Variants in TTPA observed in about 807,000 individuals in gnomAD.
TTPA encodes alpha tocopherol transfer protein.
In TTPA, 23 loss-of-function variants were observed where a neutral mutation model predicts 25.9. That is an observed-to-expected ratio of 0.89 (90% CI 0.64 to 1.26). The LOEUF (loss-of-function observed/expected upper bound fraction) is 1.26, where lower values mean the gene tolerates loss of function less well. TTPA is among the 50% of genes most tolerant of loss of function. TTPA has a pLI of 0.00. For synonymous variants in TTPA, 148 were observed against 137.3 expected, an observed-to-expected ratio of 1.08 and a Z score of -0.54; for missense variants, 337 against 353.1, an observed-to-expected ratio of 0.95 and a Z score of 0.37.
chr8:63,082,998 A>C (rs1009585132), intron 1 of TTPA, among the ~76,000 whole-genome samples: 2 of 152,226 alleles, frequency 1.3e-5, no homozygotes, highest in African/African-American at 4.8e-5. Context: ...CAGGTGCTGG[A>C]GAAGATGTGG....
At chr8:63,066,319 GA>G (rs758414993) in intron 2 of TTPA, among the ~76,000 whole-genome samples, 3 of 152,174 alleles carry the variant, frequency 2.0e-5, no homozygotes, top group Non-Finnish European at 4.4e-5. Context: ...GAGTATTGCG[GA>G]AAAAGGAATG....
intron 1 of TTPA, among the ~76,000 whole-genome samples, chr8:63,080,350 A>G (rs1805640186): frequency 6.6e-6 from 1 of 152,238 alleles, no homozygotes; most frequent in Admixed American, 6.5e-5. Flanking sequence ...TAGAGATACA[A>G]AAAACCCTTT....
At position 63,085,916 on chromosome 8, in the gene TTPA, G is replaced by A; in HGVS notation, c.106C>T (p.Arg36Trp). ...GGCGCGAGCGGGACGCCAGCTTCCC[G>A]GGCCCGGCGCCGCAGCGCCGCCAGG... ...PGLAALRRRA[R>W]EAGVPLAPLP... Residue 36 changes from arginine to tryptophan, a missense_variant, in exon 1 of 5, where the codon CGG becomes TGG. Transcript: ENST00000260116. 3.3e-6 allele frequency: 5 copies of A among 1,524,848 alleles called. No homozygotes were observed. Among genetic ancestry groups the A allele is most frequent in the South Asian group, 1.2e-5 (1 of 82,756 alleles). 94.5% of individuals were successfully genotyped at this position (1,524,848 alleles called of 1,614,324 possible). A position where few individuals can be genotyped will look rare whatever the true frequency, so the allele number is the denominator to read the frequency against.
intron 4 of TTPA, among the ~76,000 whole-genome samples, chr8:63,062,217 T>G (rs2129736522): frequency 6.6e-6 from 1 of 152,012 alleles, no homozygotes; most frequent in South Asian, 2.1e-4. Flanking sequence ...AAAAGTCAAA[T>G]TTTAAAAAAG....
intron 1 of TTPA, among the ~76,000 whole-genome samples, chr8:63,084,722 C>T (rs765427077): frequency 2.6e-5 from 4 of 152,150 alleles, no homozygotes; most frequent in Non-Finnish European, 5.9e-5. Context: ...AGCTTTTTTC[C>T]TTTAGAAAGT....
Position 63,061,340 on chromosome 8 carries a change from A to T in TTPA, c.749T>A (p.Phe250Tyr). 6.2e-7 allele frequency: 1 copy of T among 1,613,950 alleles called. No individual in the cohort carries two copies. Among genetic ancestry groups the T allele is most frequent in the Non-Finnish European group, 8.5e-7 (1 of 1,179,910 alleles). ...ILPLEYGGEE[F>Y]SMEDICQEWT... ...TTCCTGACAAATGTCCTCCATGGAG[A>T]ATTCTTCACCACCATATTCCAGAGG... Residue 250 changes from phenylalanine (F) to tyrosine (Y), a missense_variant, in exon 5 of 5, where the codon TTC becomes TAC. Phe to Tyr is a conservative substitution (Grantham distance 22). Transcript: ENST00000260116.
chr8:63,073,601 G>A (rs1458507608), intron 1 of TTPA, among the ~76,000 whole-genome samples: 6 of 152,260 alleles, frequency 3.9e-5, no homozygotes, highest in East Asian at 1.9e-4. Context: ...AGGACATCCT[G>A]GATAGTGTGA....
chr8:63,068,033 A>G (rs1010021555), intron 2 of TTPA, among the ~76,000 whole-genome samples: 6 of 152,182 alleles, frequency 3.9e-5, no homozygotes, highest in African/African-American at 1.2e-4. Context: ...GGAAAAGATT[A>G]TAAGTATGGA....
At chr8:63,085,771 G>T (rs770318137) in intron 1 of TTPA, 47 bp downstream of exon 1, 20 of 1,523,508 alleles carry the variant, frequency 1.3e-5, no homozygotes, top group East Asian at 5.0e-5. Flanking sequence ...CGGGGGACGG[G>T]GCGGGTGAGG....
At chr8:63,058,929 T>C (rs549711636), downstream of TTPA, among the ~76,000 whole-genome samples, 1 of 152,122 alleles carries the variant, frequency 6.6e-6, no homozygotes, top group East Asian at 1.9e-4. Flanking sequence ...AGTGATTTTG[T>C]TCTTTTATTA....
intron 1 of TTPA, among the ~76,000 whole-genome samples, chr8:63,073,341 C>T (rs768730831): frequency 6.6e-6 from 1 of 152,150 alleles, no homozygotes; most frequent in Non-Finnish European, 1.5e-5. Context: ...AAGACAGCCA[C>T]CAATTCCTCC....
At chr8:63,083,872 GTTTTTTTTC>G (rs1418468313) in intron 1 of TTPA, among the ~76,000 whole-genome samples, 5 of 150,156 alleles carry the variant, frequency 3.3e-5, no homozygotes, top group African/African-American at 9.8e-5. Context: ...GAGTTATAGA[GTTTTTTTTC>G]TTTTTTTTCT....
chr8:63,077,375 T>C (rs1585693664), intron 1 of TTPA, among the ~76,000 whole-genome samples: 1 of 152,114 alleles, frequency 6.6e-6, no homozygotes, highest in African/African-American at 2.4e-5. Flanking sequence ...ACCCAGGAAG[T>C]GCAAAGGGTT....
Position 63,072,997 on chromosome 8 carries a change from C to T in TTPA, c.296G>A (p.Gly99Asp). The change falls in exon 2 of 5, where the codon GGC (glycine) becomes GAC (aspartate). Residue 99 changes from glycine (G) to aspartate (D), a missense_variant. Gly to Asp is a moderately conservative substitution (Grantham distance 94). Transcript: ENST00000260116. ...PRSIIGLLKA[G>D]YHGVLRSRDP... is the part of the protein sequence containing the mutation. ...CCTGGATCTCAGGACTCCATGGTAGCCAGCCTTTAGGAGGCCAATAATACT... is the reference window on the plus strand; with the variant it reads ...CCTGGATCTCAGGACTCCATGGTAGTCAGCCTTTAGGAGGCCAATAATACT... 6.2e-7 allele frequency: 1 copy of T among 1,614,076 alleles called. No homozygotes were observed.
chr8:63,070,231 T>C (rs1193707619), intron 2 of TTPA, among the ~76,000 whole-genome samples: 2 of 152,208 alleles, frequency 1.3e-5, no homozygotes, highest in East Asian at 3.9e-4. Context: ...AGTAGTATAC[T>C]ATGGGATCTC....
chr8:63,061,557 C>A, intron 4 of TTPA, 132 bp from the exon 5 acceptor site: 1 of 752,368 alleles, frequency 1.3e-6, no homozygotes. Flanking sequence ...TCCTTTATTC[C>A]TCTGGTTATG....
At position 63,083,890 on chromosome 8, in the gene TTPA, CT is replaced by C. The variant is rs575543398; in HGVS notation, c.204+1927del. On this transcript the variant is annotated intron_variant, in intron 1 of 4. Transcript: ENST00000260116. ...TTATAGAGTTTTTTTTCTTTTTTTT[CT>C]TTTTTTTTTTTGAGACAGGGCCTCA... Among the ~76,000 whole-genome samples, 398 of 140,508 alleles carry C rather than the reference CT, an allele frequency of 2.8e-3. 1 individual carries two copies. The highest frequency in any genetic ancestry group is 5.3e-3 in the African/African-American group (206 of 38,628). 92.2% of individuals were successfully genotyped at this position (140,508 alleles called of 152,430 possible). A position where few individuals can be genotyped will look rare whatever the true frequency, so the allele number is the denominator to read the frequency against.
In TTPA at chr8:63,059,587, C is replaced by T. The variant is rs1007377580; in HGVS notation, c.*1665G>A. ...CCTAACTAGCTGAACAAATGTTCAA[C>T]AGATTTTGGACCCCATATTCTACAT... is the stretch of plus-strand genomic sequence containing the variant. On this transcript the variant is annotated 3_prime_UTR_variant, in exon 5 of 5. Coordinates refer to ENST00000260116, the MANE Select transcript of TTPA (RefSeq NM_000370.3). Among the ~76,000 whole-genome samples the T allele has an allele frequency of 1.3e-5, 2 of 152,004 alleles. No individual in the cohort carries two copies. The highest frequency in any genetic ancestry group is 4.1e-4 in the South Asian group (2 of 4,826).
At chr8:63,064,155 G>A in intron 4 of TTPA, 51 bp downstream of exon 4, 2 of 1,304,906 alleles carry the variant, frequency 1.5e-6, no homozygotes, top group Non-Finnish European at 2.2e-6. Context: ...AATTAAAAAG[G>A]GTTGGAATGT....
Sources: allele counts gnomAD v4.1 joint callset (sites outside exome capture counted in the v4.1 genomes callset), GRCh38; gene constraint gnomAD v4.1.1; transcripts MANE v1.5; gene names NCBI Gene and HGNC (gene_info 2026-07-23, HGNC 2026-07-21).